MDFIC: variants seen among roughly 807,000 people sequenced by gnomAD.
MDFIC encodes the protein myoD family inhibitor domain-containing protein.
MDFIC carries 17 observed loss-of-function variants against 23.2 expected under a neutral mutation model. That is an observed-to-expected ratio of 0.73 (90% confidence interval 0.50 to 1.10). The LOEUF is 1.10. Among genes scored for constraint, MDFIC ranks in the 50% least tolerant of loss-of-function variants. MDFIC has a pLI of 0.00. For missense variants in MDFIC, 356 were observed against 316.6 expected, an observed-to-expected ratio of 1.12 and a Z score of -0.95; for synonymous variants, 120 against 115.2, an observed-to-expected ratio of 1.04 and a Z score of -0.27.
At chr7:114,936,530 T>A (rs1196707622) in intron 2 of MDFIC, among the ~76,000 whole-genome samples, 9 of 152,182 alleles carry the variant, frequency 5.9e-5, no homozygotes, top group Non-Finnish European at 1.3e-4. Context: ...AGAGTAGTTA[T>A]AAATGACTTG....
chr7:115,014,543 T>TG (rs1791754572), intron 4 of MDFIC: 1 of 1,284,598 alleles, frequency 7.8e-7, no homozygotes, highest in Non-Finnish European at 1.0e-6. Context: ...GGTAAGAGGG[T>TG]GGGGTTGTTG....
At chr7:114,974,203 G>C (rs1314677494) in intron 3 of MDFIC, among the ~76,000 whole-genome samples, 1 of 151,996 alleles carries the variant, frequency 6.6e-6, no homozygotes, top group Non-Finnish European at 1.5e-5. Flanking sequence ...AAAAATGTAA[G>C]ATAGTTTTTA....
intron 4 of MDFIC, among the ~76,000 whole-genome samples, chr7:114,981,445 A>G (rs1793415818): frequency 6.6e-6 from 1 of 151,804 alleles, no homozygotes; most frequent in Non-Finnish European, 1.5e-5. Context: ...ATACAGTTTT[A>G]CTCTTCCTCT....
At chr7:114,983,637 G>A (rs552199123) in intron 4 of MDFIC, among the ~76,000 whole-genome samples, 7 of 136,598 alleles carry the variant, frequency 5.1e-5, no homozygotes, top group East Asian at 2.1e-4. Context: ...GTGCGATCTC[G>A]GCTCAATGCA....
Position 115,009,834 on chromosome 7 carries a change from A to G in MDFIC, c.494-5854A>G, listed in dbSNP as rs575775346. Among the ~76,000 whole-genome samples, 6 of 152,278 alleles carry G rather than the reference A, an allele frequency of 3.9e-5. No individual in the cohort carries two copies. In the South Asian group the frequency reaches 1.2e-3, roughly 32 times the overall value. ...TCAAACATAGTAAAGATTTCCTTTT[A>G]TGCTCTCCTTTTAGCTACTTGGCTT... On this transcript the variant is annotated intron_variant, in intron 4 of 4. Coordinates refer to ENST00000393486, the MANE Select transcript of MDFIC (RefSeq NM_001166345.3).
chr7:115,007,687 C>T (rs939787169), intron 4 of MDFIC, among the ~76,000 whole-genome samples: 24 of 141,146 alleles, frequency 1.7e-4, no homozygotes, highest in Non-Finnish European at 2.1e-4. Context: ...TTTTGTTTTG[C>T]TTTTGGTATA....
chr7:114,948,489 G>GA (rs1327897193), intron 3 of MDFIC, among the ~76,000 whole-genome samples: 2 of 151,718 alleles, frequency 1.3e-5, no homozygotes, highest in South Asian at 2.1e-4. Context: ...CTACCCATAA[G>GA]AAAAAAAATT....
At chr7:114,950,533 C>T (rs1329593768) in intron 3 of MDFIC, among the ~76,000 whole-genome samples, 1 of 151,996 alleles carries the variant, frequency 6.6e-6, no homozygotes, top group Non-Finnish European at 1.5e-5. Context: ...CCATAAGTTT[C>T]CTGTTGTTTC....
intron 4 of MDFIC, among the ~76,000 whole-genome samples, chr7:114,998,704 A>G (rs542411740): frequency 6.6e-6 from 1 of 152,092 alleles, no homozygotes; most frequent in South Asian, 2.1e-4. Flanking sequence ...TTGTTGCTAT[A>G]TTCTTTCCAT....
chr7:114,977,675 G>A (rs981656365), intron 3 of MDFIC, among the ~76,000 whole-genome samples: 1 of 151,980 alleles, frequency 6.6e-6, no homozygotes. Flanking sequence ...CACAACAGGT[G>A]AATATTCACA....
At chr7:114,964,491 C>T (rs1298446461) in intron 3 of MDFIC, among the ~76,000 whole-genome samples, 2 of 112,232 alleles carry the variant, frequency 1.8e-5, no homozygotes, top group Non-Finnish European at 3.9e-5. Flanking sequence ...CTCCCCTCCC[C>T]TCCCCTTCCC....
chr7:114,964,525 ACTTCC>A (rs369470623), intron 3 of MDFIC, among the ~76,000 whole-genome samples: 72 of 96,398 alleles, frequency 7.5e-4, no homozygotes, highest in South Asian at 5.3e-3. Flanking sequence ...CCTTCCCTTC[ACTTCC>A]CTTCCCTTCC....
chr7:115,008,738 C>A (rs1305738121), intron 4 of MDFIC, among the ~76,000 whole-genome samples: 1 of 152,200 alleles, frequency 6.6e-6, no homozygotes, highest in Non-Finnish European at 1.5e-5. Context: ...TCCCTCACAG[C>A]TGGGTTTTCA....
At chr7:114,999,554 T>G (rs1415883311) in intron 4 of MDFIC, among the ~76,000 whole-genome samples, 1 of 152,038 alleles carries the variant, frequency 6.6e-6, no homozygotes, top group Non-Finnish European at 1.5e-5. Flanking sequence ...GTTAAACTAT[T>G]GTGGTTTTGA....
intron 4 of MDFIC, among the ~76,000 whole-genome samples, chr7:115,000,033 A>G (rs1484571804): frequency 6.6e-6 from 1 of 152,194 alleles, no homozygotes; most frequent in Non-Finnish European, 1.5e-5. Context: ...TGTCTTTAAA[A>G]AGAAGCACAT....
intron 4 of MDFIC, among the ~76,000 whole-genome samples, chr7:115,004,818 A>T (rs1271908534): frequency 3.3e-5 from 5 of 152,108 alleles, no homozygotes; most frequent in Admixed American, 3.3e-4. Context: ...AATGGACCAG[A>T]GTACACAGTT....
At chr7:114,933,391 T>C (rs1792366451) in intron 2 of MDFIC, among the ~76,000 whole-genome samples, 1 of 152,034 alleles carries the variant, frequency 6.6e-6, no homozygotes, top group Non-Finnish European at 1.5e-5. Flanking sequence ...CCTGAGTAGC[T>C]GGGATTACAG....
At chr7:115,007,638 ATATATATATATATATATATT>A (rs937229432) in intron 4 of MDFIC, among the ~76,000 whole-genome samples, 19 of 9,248 alleles carry the variant, frequency 2.1e-3, no homozygotes, top group Non-Finnish European at 7.6e-3. Context: ...GTGTATATAT[ATATATATATATATATATATT>A]TATATTTCCT....
chr7:114,965,316 G>T (rs1793074932), intron 3 of MDFIC, among the ~76,000 whole-genome samples: 1 of 152,230 alleles, frequency 6.6e-6, no homozygotes, highest in Admixed American at 6.5e-5. Flanking sequence ...AGAGGCTACT[G>T]AGTTGTGATT....
Sources: allele counts gnomAD v4.1 joint callset (sites outside exome capture counted in the v4.1 genomes callset), GRCh38; gene constraint gnomAD v4.1.1; transcripts MANE v1.5; gene names NCBI Gene and HGNC (gene_info 2026-07-23, HGNC 2026-07-21).